The following NPHP1 variants were observed in gnomAD, a reference collection of about 807,000 sequenced individuals.
The protein encoded by NPHP1 is nephrocystin 1.
A neutral mutation model predicts 90.4 loss-of-function variants in NPHP1; 70 were observed. That is an observed-to-expected ratio of 0.77 (90% CI 0.64 to 0.95). The LOEUF (loss-of-function observed/expected upper bound fraction) is 0.95. NPHP1 is among the 40% of genes least tolerant of loss of function. The probability of loss-of-function intolerance (pLI) is 0.00; values close to 1 mark genes in which losing one functional copy is unlikely to be tolerated. For synonymous variants in NPHP1, 256 were observed against 271.7 expected (o/e 0.94, Z 0.57); for missense variants, 764 against 795.9 (o/e 0.96, Z 0.48).
chr2:110,133,341 T>C (rs1679927030), intron 16 of NPHP1, among the ~76,000 whole-genome samples: 1 of 152,060 alleles, frequency 6.6e-6, no homozygotes, highest in South Asian at 2.1e-4. Flanking sequence ...AAACAGTCAA[T>C]TCAGAATATA....
chr2:110,180,398 G>T (rs1388678948), intron 2 of NPHP1, among the ~76,000 whole-genome samples: 1 of 144,952 alleles, frequency 6.9e-6, no homozygotes, highest in East Asian at 2.0e-4. Flanking sequence ...TAATTCAAAT[G>T]CTTTACTAAA....
chr2:110,150,769 C>T lies in NPHP1; in HGVS notation c.1084-513G>A, dbSNP rs903733673. Among the ~76,000 whole-genome samples, 16 of 149,546 alleles carry T rather than the reference C, an allele frequency of 1.1e-4. No individual in the cohort carries two copies. The East Asian group carries it at 1.5e-3, about 14-fold the overall frequency. ...TTCACCATGTTGGCCAGGCTGGTCT[C>T]GAACTCCTGACCTGAGGTGATCTGC... is the stretch of plus-strand genomic sequence containing the variant. On this transcript the variant is annotated intron_variant, in intron 11 of 19. Transcript: ENST00000445609.
At chr2:110,166,733 T>C (rs966143463) in intron 6 of NPHP1, among the ~76,000 whole-genome samples, 3 of 152,176 alleles carry the variant, frequency 2.0e-5, no homozygotes, top group African/African-American at 7.2e-5. Flanking sequence ...TGGGGGGATC[T>C]TTTTGCAACT....
intron 2 of NPHP1, among the ~76,000 whole-genome samples, chr2:110,182,018 G>A (rs12620593): frequency 0.31 from 46,816 of 151,916 alleles, 7,757 homozygotes; most frequent in East Asian, 0.55. Context: ...AATAGACAAG[G>A]CAGAGGAAAG....
intron 11 of NPHP1, among the ~76,000 whole-genome samples, chr2:110,158,095 T>G (rs1008609590): frequency 3.3e-5 from 5 of 152,156 alleles, no homozygotes; most frequent in Non-Finnish European, 5.9e-5. Context: ...AATTTACAAG[T>G]ATTTAAGTAT....
chr2:110,148,785 A>G (rs1052390546), intron 12 of NPHP1, among the ~76,000 whole-genome samples: 4 of 152,186 alleles, frequency 2.6e-5, no homozygotes, highest in Non-Finnish European at 5.9e-5. Flanking sequence ...TAAAGACTGA[A>G]TACACATATT....
chr2:110,191,035 G>A lies in NPHP1; in HGVS notation c.143+10386C>T, dbSNP rs116996151. On this transcript the variant is annotated intron_variant, in intron 2 of 19. Transcript: ENST00000445609. ...GCAGAGAAAAAGGAACACTTGGGGC[G>A]GTTCCAAGATGGCCAAATACGAACA... 5.1e-3 allele frequency among the ~76,000 whole-genome samples: 770 copies of A among 152,188 alleles called. 18 individuals are homozygous for A. Among genetic ancestry groups the A allele is most frequent in the East Asian group, 0.038 (195 of 5,170 alleles).
intron 19 of NPHP1, 75 bp downstream of exon 19, chr2:110,125,562 G>C: frequency 7.2e-7 from 1 of 1,397,250 alleles, no homozygotes; most frequent in East Asian, 2.3e-5. Context: ...TGCTAAAAAA[G>C]AGACATGATT....
At chr2:110,160,380 C>A in intron 10 of NPHP1, 125 bp from the exon 11 acceptor site, 1 of 683,162 alleles carries the variant, frequency 1.5e-6, no homozygotes, top group Non-Finnish European at 2.5e-6. Context: ...TACACATATA[C>A]AATAAAAGTT....
intron 2 of NPHP1, among the ~76,000 whole-genome samples, chr2:110,197,243 A>G (rs1324018543): frequency 6.6e-6 from 1 of 152,158 alleles, no homozygotes; most frequent in Non-Finnish European, 1.5e-5. Flanking sequence ...ACGTTTACCT[A>G]TGTAACAAAC....
chr2:110,129,518 G>A (rs529445890), intron 17 of NPHP1, among the ~76,000 whole-genome samples: 2 of 152,312 alleles, frequency 1.3e-5, no homozygotes, highest in East Asian at 3.9e-4. Flanking sequence ...AACAGAATAA[G>A]ACTAGAAAAT....
chr2:110,191,409 G>A (rs951052929), intron 2 of NPHP1, among the ~76,000 whole-genome samples: 6 of 152,160 alleles, frequency 3.9e-5, no homozygotes, highest in African/African-American at 9.7e-5. Context: ...AGAGAGCCTC[G>A]CTAATTGCTA....
chr2:110,133,114 G>T (rs1459105576), intron 16 of NPHP1, among the ~76,000 whole-genome samples: 1 of 151,962 alleles, frequency 6.6e-6, no homozygotes, highest in Non-Finnish European at 1.5e-5. Flanking sequence ...GATACAGATT[G>T]GCAGGATGCA....
chr2:110,183,140 G>C (rs1288660946), intron 2 of NPHP1, among the ~76,000 whole-genome samples: 1 of 152,260 alleles, frequency 6.6e-6, no homozygotes, highest in East Asian at 1.9e-4. Flanking sequence ...ATGTTGGGAA[G>C]AGACCCCGAA....
chr2:110,145,982 A>G (rs1681014736), intron 14 of NPHP1, among the ~76,000 whole-genome samples: 2 of 152,190 alleles, frequency 1.3e-5, no homozygotes, highest in African/African-American at 4.8e-5. Flanking sequence ...AAGCCTTTGG[A>G]GTAGGAATTA....
chr2:110,191,323 G>A (rs1056338528), intron 2 of NPHP1, among the ~76,000 whole-genome samples: 2 of 152,140 alleles, frequency 1.3e-5, no homozygotes, highest in Admixed American at 6.6e-5. Context: ...CCCTAATACT[G>A]CGCTTTTCCC....
intron 2 of NPHP1, among the ~76,000 whole-genome samples, chr2:110,191,545 G>A (rs185174324): frequency 6.6e-6 from 1 of 152,326 alleles, no homozygotes; most frequent in African/African-American, 2.4e-5. Flanking sequence ...GCAGCTCAAG[G>A]AGGCCTGCCT....
intron 2 of NPHP1, among the ~76,000 whole-genome samples, 195 bp from the exon 3 acceptor site, chr2:110,179,879 A>G (rs1216572375): frequency 6.6e-6 from 1 of 152,142 alleles, no homozygotes; most frequent in Non-Finnish European, 1.5e-5. Context: ...AAACACATAG[A>G]CATGATAACC....
intron 16 of NPHP1, among the ~76,000 whole-genome samples, chr2:110,136,317 G>C (rs1002110549): frequency 6.6e-6 from 1 of 152,096 alleles, no homozygotes; most frequent in African/African-American, 2.4e-5. Flanking sequence ...TGGAAGTTCC[G>C]ACCAGGGCAA....
Sources: gnomAD v4.1 joint callset for allele counts (sites outside exome capture counted in the v4.1 genomes callset) on GRCh38, gnomAD v4.1.1 for gene constraint, MANE v1.5 for transcripts, NCBI Gene and HGNC (gene_info 2026-07-23, HGNC 2026-07-21) for gene names.